The following SUGCT variants were observed in gnomAD, a reference collection of about 807,000 sequenced individuals.
SUGCT encodes the protein succinyl-CoA:glutarate CoA-transferase.
Under a neutral mutation model 55.0 loss-of-function variants are expected in SUGCT, and 41 were observed. That is an observed-to-expected ratio of 0.74 (90% CI 0.58 to 0.97). SUGCT has a LOEUF of 0.97. SUGCT is among the 50% of genes least tolerant of loss of function. SUGCT has a pLI of 0.00. For synonymous variants in SUGCT, 187 were observed against 200.4 expected (o/e 0.93, Z 0.56); for missense variants, 568 against 547.8 (o/e 1.04, Z -0.37).
intron 9 of SUGCT, among the ~76,000 whole-genome samples, chr7:40,383,952 G>T (rs1467413318): frequency 1.3e-5 from 2 of 152,082 alleles, no homozygotes; most frequent in Non-Finnish European, 2.9e-5. Context: ...TGCTTGAAAG[G>T]TAGCTTGACT....
chr7:40,451,152 G>A (rs1789170212), intron 10 of SUGCT, among the ~76,000 whole-genome samples: 1 of 152,154 alleles, frequency 6.6e-6, no homozygotes, highest in Non-Finnish European at 1.5e-5. Context: ...CTGCAGAGAT[G>A]TATAAGCCAG....
intron 10 of SUGCT, among the ~76,000 whole-genome samples, chr7:40,458,590 A>T (rs1418226884): frequency 2.0e-5 from 3 of 152,226 alleles, no homozygotes; most frequent in African/African-American, 7.2e-5. Context: ...CTTTTAGAAC[A>T]TTCTGCATAG....
chr7:40,870,622 T>C, the SUGCT span, among the ~76,000 whole-genome samples: 1 of 152,250 alleles, frequency 6.6e-6, no homozygotes, highest in African/African-American at 2.4e-5. Flanking sequence ...ATAGAAAATA[T>C]GCAAATATTC....
chr7:40,954,178 C>T, the SUGCT span, among the ~76,000 whole-genome samples: 1 of 152,228 alleles, frequency 6.6e-6, no homozygotes, highest in Non-Finnish European at 1.5e-5. Context: ...AGCCTTGCTG[C>T]TGCCTTGCAG....
At chr7:40,701,162 G>A (rs144251505) in intron 12 of SUGCT, among the ~76,000 whole-genome samples, 463 of 152,270 alleles carry the variant, frequency 3.0e-3, no homozygotes, top group Admixed American at 5.0e-3. Context: ...CGTTTGTTGG[G>A]CTTCGTCATT....
intron 11 of SUGCT, among the ~76,000 whole-genome samples, chr7:40,472,954 C>CTT (rs1790475309): frequency 6.6e-6 from 1 of 152,070 alleles, no homozygotes; most frequent in African/African-American, 2.4e-5. Context: ...CAATTGACTT[C>CTT]TTTTCAGTTG....
Position 40,640,270 on chromosome 7 carries a change from T to C in SUGCT, c.1090-109164T>C, listed in dbSNP as rs773470089. On this transcript the variant is annotated intron_variant, in intron 12 of 13. Coordinates refer to ENST00000335693, the MANE Select transcript of SUGCT (RefSeq NM_001193313.2). ...GATATATGTTTATACCTTTAGTATG[T>C]TTTGATTTGTGTATCTTACCACCTC... 3.9e-5 allele frequency among the ~76,000 whole-genome samples: 6 copies of C among 152,220 alleles called. 1 individual carries two copies. Among genetic ancestry groups the C allele is most frequent in the Non-Finnish European group, 2.9e-5 (2 of 68,036 alleles).
At chr7:40,740,381 A>G (rs530764257) in intron 12 of SUGCT, among the ~76,000 whole-genome samples, 3 of 151,078 alleles carry the variant, frequency 2.0e-5, no homozygotes, top group East Asian at 3.9e-4. Context: ...TTAATTTTTT[A>G]TATTTGTTCC....
intron 9 of SUGCT, among the ~76,000 whole-genome samples, chr7:40,369,336 G>A (rs1784169757): frequency 1.3e-5 from 2 of 152,204 alleles, no homozygotes; most frequent in South Asian, 2.1e-4. Context: ...TGGCTTTTGT[G>A]GGAAGAAGAT....
In SUGCT at chr7:40,207,326, A is replaced by C. The variant is rs138824823; in HGVS notation, c.484+12266A>C. Among the ~76,000 whole-genome samples, 672 of 152,336 alleles carry C rather than the reference A, an allele frequency of 4.4e-3. 5 individuals carry two copies. Among genetic ancestry groups the C allele is most frequent in the African/African-American group, 0.015 (623 of 41,586 alleles). Reference sequence around the variant, plus strand: ...CACATGAAAAATGCTCCACATCATTAGCCATTAGGGAGATGCACACCAAAA... The same window carrying C: ...CACATGAAAAATGCTCCACATCATTCGCCATTAGGGAGATGCACACCAAAA... On this transcript the variant is annotated intron_variant, in intron 6 of 13. Coordinates refer to ENST00000335693, the MANE Select transcript of SUGCT (RefSeq NM_001193313.2).
At chr7:40,215,599 A>C (rs1317850109) in intron 6 of SUGCT, among the ~76,000 whole-genome samples, 1 of 152,208 alleles carries the variant, frequency 6.6e-6, no homozygotes, top group African/African-American at 2.4e-5. Context: ...ATGGTGGCTC[A>C]TGCCTGTAAT....
chr7:40,332,761 G>C (rs1796396935), intron 9 of SUGCT, among the ~76,000 whole-genome samples: 1 of 152,176 alleles, frequency 6.6e-6, no homozygotes, highest in Non-Finnish European at 1.5e-5. Flanking sequence ...TGTGTGTAGT[G>C]AATCTGTTAA....
chr7:40,661,223 T>A (rs1801288137), intron 12 of SUGCT, among the ~76,000 whole-genome samples: 1 of 152,200 alleles, frequency 6.6e-6, no homozygotes, highest in Non-Finnish European at 1.5e-5. Context: ...AGATAATTGA[T>A]AAAATTAGTC....
chr7:40,337,837 C>T (rs1220734087), intron 9 of SUGCT, among the ~76,000 whole-genome samples: 4 of 152,004 alleles, frequency 2.6e-5, no homozygotes, highest in South Asian at 4.2e-4. Flanking sequence ...CAGTTTCTTC[C>T]TAGCCTCGGT....
Position 40,393,823 on chromosome 7 carries a change from A to G in SUGCT, c.817-55464A>G, listed in dbSNP as rs1785575367. On this transcript the variant is annotated intron_variant, in intron 9 of 13. Transcript: ENST00000335693. Reference sequence around the variant, plus strand: ...ATGTGTTAGACAGTCCAGTGATTACACAGCTGGTTTCAGCCATCTGGAGGA... The same window carrying G: ...ATGTGTTAGACAGTCCAGTGATTACGCAGCTGGTTTCAGCCATCTGGAGGA... Among the ~76,000 whole-genome samples, 3 of 152,322 alleles carry G rather than the reference A, an allele frequency of 2.0e-5. No homozygotes were observed. The South Asian group carries it at 6.2e-4, about 32-fold the overall frequency.
intron 8 of SUGCT, among the ~76,000 whole-genome samples, chr7:40,275,582 T>A (rs928437096): frequency 6.6e-6 from 1 of 152,188 alleles, no homozygotes; most frequent in Non-Finnish European, 1.5e-5. Flanking sequence ...ATGCATAATA[T>A]TTATTCGTGA....
At chr7:40,565,904 G>A (rs1490537142) in intron 12 of SUGCT, among the ~76,000 whole-genome samples, 1 of 151,796 alleles carries the variant, frequency 6.6e-6, no homozygotes. Context: ...TCAACAGAGA[G>A]GTTTCTCTTG....
At chr7:40,736,991 T>C (rs781064327) in intron 12 of SUGCT, among the ~76,000 whole-genome samples, 28 of 152,150 alleles carry the variant, frequency 1.8e-4, no homozygotes, top group Non-Finnish European at 3.7e-4. Flanking sequence ...AAAACGGTAT[T>C]GATACTAATG....
chr7:40,731,665 C>T (rs896081414), intron 12 of SUGCT, among the ~76,000 whole-genome samples: 2 of 151,984 alleles, frequency 1.3e-5, no homozygotes, highest in African/African-American at 2.4e-5. Context: ...CTAAACAAAT[C>T]GTTAAAGTGG....
Sources: allele counts gnomAD v4.1 joint callset (sites outside exome capture counted in the v4.1 genomes callset), GRCh38; gene constraint gnomAD v4.1.1; transcripts MANE v1.5; gene names NCBI Gene and HGNC (gene_info 2026-07-23, HGNC 2026-07-21).